ADH5: variants seen among roughly 807,000 people sequenced by gnomAD.
The protein encoded by ADH5 is alcohol dehydrogenase class-3.
In ADH5, 32 loss-of-function variants were observed where a neutral mutation model predicts 40.3. The observed-to-expected ratio is 0.79, with a 90% CI of 0.60 to 1.07. The LOEUF (loss-of-function observed/expected upper bound fraction) is 1.07, where lower values mean the gene tolerates loss of function less well. Ranked by LOEUF, ADH5 falls within the 50% of genes least tolerant of loss-of-function variation. ADH5 has a pLI of 0.00. For missense variants in ADH5, 353 were observed against 460.5 expected (o/e 0.77, Z 2.14); for synonymous variants, 125 against 154.3 (o/e 0.81, Z 1.41).
At position 99,071,309 on chromosome 4, in the gene ADH5, T is replaced by A. The variant is rs1727828765; in HGVS notation, c.*1108A>T. 1 of 152,242 alleles carries A rather than the reference T, an allele frequency of 6.6e-6. No homozygotes were observed. The highest frequency in any genetic ancestry group is 2.1e-4 in the South Asian group (1 of 4,830). 9.4% of individuals were successfully genotyped at this position (152,242 alleles called of 1,614,324 possible). On this transcript the variant is annotated 3_prime_UTR_variant, in exon 9 of 9. Coordinates refer to ENST00000296412, the MANE Select transcript of ADH5 (RefSeq NM_000671.4). ...TACTTTGAAGAGCAATTTGGCAATG[T>A]CTATAAGGCTAAATGTGTTTATTCT...
chr4:99,086,574 G>T (rs899093667), intron 1 of ADH5, among the ~76,000 whole-genome samples: 4 of 152,190 alleles, frequency 2.6e-5, no homozygotes, highest in Non-Finnish European at 4.4e-5. Flanking sequence ...GGATACTGAA[G>T]GATGAGGAAA....
rs1727827866 is a variant in ADH5 at position 99,071,230 on chromosome 4, A to G, written c.*1187T>C. 1 of 152,262 alleles carries G rather than the reference A, an allele frequency of 6.6e-6. No individual in the cohort carries two copies. The highest frequency in any genetic ancestry group is 6.5e-5 in the Admixed American group (1 of 15,290). 9.4% of individuals were successfully genotyped at this position (152,262 alleles called of 1,614,324 possible). ...ACGAGAATTGAGGAAAATGCAAACTAAAGTCATAATAAAACACCATTCCAT... is the reference window on the plus strand; with the variant it reads ...ACGAGAATTGAGGAAAATGCAAACTGAAGTCATAATAAAACACCATTCCAT... On this transcript the variant is annotated 3_prime_UTR_variant, in exon 9 of 9. Coordinates refer to ENST00000296412, the MANE Select transcript of ADH5 (RefSeq NM_000671.4).
intron 7 of ADH5, 67 bp from the exon 8 acceptor site, chr4:99,072,778 C>T: frequency 6.9e-7 from 1 of 1,439,810 alleles, no homozygotes; most frequent in East Asian, 2.3e-5. Context: ...TAGCTGAGGA[C>T]AAAAGGCATT....
At chr4:99,081,063 C>T (rs1472485402) in intron 4 of ADH5, among the ~76,000 whole-genome samples, 1 of 152,200 alleles carries the variant, frequency 6.6e-6, no homozygotes, top group Non-Finnish European at 1.5e-5. Flanking sequence ...CAGATCATCT[C>T]AAATCATAAA....
intron 7 of ADH5, 55 bp from the exon 8 acceptor site, chr4:99,072,766 C>G: frequency 6.5e-6 from 10 of 1,530,450 alleles, no homozygotes; most frequent in Non-Finnish European, 8.9e-6. Flanking sequence ...ATGCTTGTTA[C>G]TTAGCTGAGG....
chr4:99,087,724 C>T (rs989762584), intron 1 of ADH5, among the ~76,000 whole-genome samples: 1 of 152,116 alleles, frequency 6.6e-6, no homozygotes, highest in Admixed American at 6.5e-5. Flanking sequence ...TCTAAATCCG[C>T]GGGAAATGGC....
At chr4:99,082,323 C>T (rs1419159276) in intron 2 of ADH5, among the ~76,000 whole-genome samples, 11 of 152,156 alleles carry the variant, frequency 7.2e-5, no homozygotes, top group Admixed American at 7.2e-4. Flanking sequence ...TTTAGTGGTA[C>T]ATAAAAGCAA....
In ADH5 at chr4:99,076,733, C is replaced by A; in HGVS notation, c.535G>T (p.Gly179Cys). The change falls in exon 5 of 9, where the codon GGT becomes TGT. Residue 179 changes from glycine (G) to cysteine (C), a missense_variant. Gly to Cys is a radical substitution (Grantham distance 159). Transcript: ENST00000296412. The stretch of plus-strand genomic sequence containing the variant: ...GCAGTGTTCACAGCAGCACCATAAC[C>A]GGTTGAAATGCCACAACCTAGAAGG... ...VCLLGCGIST[G>C]YGAAVNTAKL... 1.2e-6 allele frequency: 2 copies of A among 1,613,960 alleles called. No homozygotes were observed. The highest frequency in any genetic ancestry group is 1.7e-6 in the Non-Finnish European group (2 of 1,179,880).
In ADH5 at chr4:99,071,707, G is replaced by A. The variant is rs561799622; in HGVS notation, c.*710C>T. 6.6e-6 allele frequency: 1 copy of A among 152,288 alleles called. No homozygotes were observed. Among genetic ancestry groups the A allele is most frequent in the Non-Finnish European group, 1.5e-5 (1 of 68,040 alleles). The allele number at this position is 152,288 out of a possible 1,614,324, so 9.4% of individuals were successfully genotyped here. ...AGGAATGGCAATGTGATCTCGAAGT[G>A]GCAAAATGTTAAGATTTGACAAAAG... On this transcript the variant is annotated 3_prime_UTR_variant, in exon 9 of 9. Coordinates refer to ENST00000296412, the MANE Select transcript of ADH5 (RefSeq NM_000671.4).
chr4:99,082,596 G>A (rs28730591), intron 2 of ADH5, among the ~76,000 whole-genome samples: 13,453 of 152,156 alleles, frequency 0.088, 632 homozygotes, highest in Middle Eastern at 0.11. Context: ...AACTTTCAGA[G>A]GAACCAACTC....
intron 4 of ADH5, chr4:99,080,681 AC>A (rs1308900310): frequency 6.6e-6 from 1 of 152,408 alleles, no homozygotes; most frequent in African/African-American, 2.4e-5. Context: ...GTGCCCAGGT[AC>A]CCTCTCTGTG....
chr4:99,078,127 T>C (rs759546577), intron 4 of ADH5, among the ~76,000 whole-genome samples: 5 of 152,122 alleles, frequency 3.3e-5, no homozygotes, highest in Non-Finnish European at 7.4e-5. Flanking sequence ...ACCACAGCCT[T>C]GAACACTGAG....
intron 3 of ADH5, 173 bp downstream of exon 3, chr4:99,081,800 CAG>C (rs1215259835): frequency 1.0e-5 from 8 of 775,638 alleles, no homozygotes; most frequent in Non-Finnish European, 1.6e-5. Context: ...TCTGCAAAAT[CAG>C]AGAGAAAAAA....
At chr4:99,081,837 G>T in intron 3 of ADH5, 138 bp downstream of exon 3, 1 of 858,410 alleles carries the variant, frequency 1.2e-6, no homozygotes, top group Non-Finnish European at 1.7e-6. Flanking sequence ...GTGCTTCCCA[G>T]ATGAGGAATC....
At chr4:99,080,096 T>C (rs1154412) in intron 4 of ADH5, 327,902 of 386,808 alleles carry the variant, frequency 0.85, 139,831 homozygotes, top group East Asian at 1. Flanking sequence ...ATATTTACAG[T>C]AAGAGACACT....
chr4:99,088,747 C>A lies in ADH5; in HGVS notation c.-47G>T, dbSNP rs769859421. 1.6e-5 allele frequency: 25 copies of A among 1,564,736 alleles called. No individual in the cohort carries two copies. The highest frequency in any genetic ancestry group is 1.9e-5 in the Non-Finnish European group (22 of 1,154,168). On this transcript the variant is annotated 5_prime_UTR_variant, in exon 1 of 9. Coordinates refer to ENST00000296412, the MANE Select transcript of ADH5 (RefSeq NM_000671.4). ...CGGGGGGCTGACATCCGGGGTGGGC[C>A]GCGCAGCGACGGAGGCATGGGCGTG...
At chr4:99,073,787 G>C (rs1292755492) in intron 7 of ADH5, among the ~76,000 whole-genome samples, 1 of 152,160 alleles carries the variant, frequency 6.6e-6, no homozygotes, top group African/African-American at 2.4e-5. Flanking sequence ...ATGATACAAT[G>C]AATTTCCCAA....
Position 99,082,062 on chromosome 4 carries a change from G to A in ADH5, c.169C>T (p.Pro57Ser). 6.2e-7 allele frequency: 1 copy of A among 1,613,856 alleles called. No individual in the cohort carries two copies. The highest frequency in any genetic ancestry group is 1.1e-5 in the South Asian group (1 of 91,078). ...TDAYTLSGAD[P>S]EGCFPVILGH... ...AAGATCACTGGAAAACAACCCTCAG[G>A]ATCAGCTCCACTCAGGGTATAGGCA... The change falls in exon 3 of 9, where the codon CCT becomes TCT. Residue 57 changes from proline to serine, a missense_variant. Pro to Ser is a moderately conservative substitution (Grantham distance 74). Coordinates refer to ENST00000296412, the MANE Select transcript of ADH5 (RefSeq NM_000671.4).
intron 1 of ADH5, among the ~76,000 whole-genome samples, chr4:99,088,014 G>T (rs1728181529): frequency 6.6e-6 from 1 of 152,134 alleles, no homozygotes; most frequent in Non-Finnish European, 1.5e-5. Context: ...TGTCATAGAG[G>T]AGCAGACCTG....
Sources: allele counts gnomAD v4.1 joint callset (sites outside exome capture counted in the v4.1 genomes callset), GRCh38; gene constraint gnomAD v4.1.1; transcripts MANE v1.5; gene names NCBI Gene and HGNC (gene_info 2026-07-23, HGNC 2026-07-21).